The following GPC5 variants were observed in gnomAD, a reference collection of about 807,000 sequenced individuals.
The protein encoded by GPC5 is glypican-5.
GPC5 carries 47 observed loss-of-function variants against 53.9 expected under a neutral mutation model. That is an observed-to-expected ratio of 0.87 (90% CI 0.69 to 1.11). The LOEUF is 1.11. GPC5 is among the 50% of genes most tolerant of loss of function. GPC5 has a pLI of 0.00. For synonymous variants in GPC5, 286 were observed against 263.3 expected (o/e 1.09, Z -0.84); for missense variants, 748 against 713.1 (o/e 1.05, Z -0.56).
intron 6 of GPC5, among the ~76,000 whole-genome samples, chr13:92,039,346 A>C (rs984530590): frequency 3.3e-5 from 5 of 152,264 alleles, no homozygotes; most frequent in African/African-American, 1.2e-4. Flanking sequence ...GATGGAACAG[A>C]GTAGAAGAGG....
At chr13:91,983,301 G>A (rs1464020953) in intron 6 of GPC5, among the ~76,000 whole-genome samples, 5 of 151,712 alleles carry the variant, frequency 3.3e-5, no homozygotes. Context: ...AGCTGAGATA[G>A]CGCCACTGCA....
chr13:91,940,896 T>C (rs2039920604), intron 6 of GPC5, among the ~76,000 whole-genome samples: 1 of 152,134 alleles, frequency 6.6e-6, no homozygotes, highest in Admixed American at 6.6e-5. Context: ...TATTATACTT[T>C]TGTTGGATGC....
chr13:92,592,534 G>C (rs1198773929), intron 7 of GPC5, among the ~76,000 whole-genome samples: 2 of 151,170 alleles, frequency 1.3e-5, no homozygotes, highest in African/African-American at 2.4e-5. Context: ...ACCCTTTGTG[G>C]AGCTTACATT....
At chr13:92,637,931 T>G (rs987080671) in intron 7 of GPC5, among the ~76,000 whole-genome samples, 1 of 151,980 alleles carries the variant, frequency 6.6e-6, no homozygotes, top group Non-Finnish European at 1.5e-5. Flanking sequence ...CTTCTAGAGA[T>G]TAATCAAACA....
intron 6 of GPC5, among the ~76,000 whole-genome samples, chr13:92,135,823 C>T (rs145860433): frequency 9.3e-4 from 142 of 152,262 alleles, no homozygotes; most frequent in African/African-American, 3.2e-3. Flanking sequence ...GAAATGACTT[C>T]GGTGTCTGGT....
chr13:92,319,223 G>A (rs1194972266), intron 7 of GPC5, among the ~76,000 whole-genome samples: 1 of 152,068 alleles, frequency 6.6e-6, no homozygotes, highest in Non-Finnish European at 1.5e-5. Flanking sequence ...TGAATATGCA[G>A]TTGTTACAGT....
intron 6 of GPC5, among the ~76,000 whole-genome samples, chr13:91,976,209 A>G (rs1379468285): frequency 6.6e-6 from 1 of 152,152 alleles, no homozygotes; most frequent in Non-Finnish European, 1.5e-5. Flanking sequence ...CAACATGGCA[A>G]CATGTATACA....
In GPC5 at chr13:92,724,571, T is replaced by G. The variant is rs143641263; in HGVS notation, c.1562-141711T>G. On this transcript the variant is annotated intron_variant, in intron 7 of 7. Transcript: ENST00000377067. ...ATTTTGTCATTTGCAACAACATACA[T>G]GAACCTAGATAGAGGACACATGGTA... Among the ~76,000 whole-genome samples, 76 of 151,710 alleles carry G rather than the reference T, an allele frequency of 5.0e-4. No homozygotes were observed. The East Asian group carries it at 0.011, about 22-fold the overall frequency.
At chr13:91,521,846 A>G (rs1246028196) in intron 2 of GPC5, among the ~76,000 whole-genome samples, 13 of 152,216 alleles carry the variant, frequency 8.5e-5, no homozygotes, top group African/African-American at 3.1e-4. Context: ...AAAAGCTCCA[A>G]GCTGTCTGAC....
chr13:92,742,034 A>G (rs1223436112), intron 7 of GPC5, among the ~76,000 whole-genome samples: 19 of 151,942 alleles, frequency 1.3e-4, no homozygotes, highest in African/African-American at 2.4e-4. Flanking sequence ...GAATACTGCC[A>G]CAATAAACAT....
intron 2 of GPC5, among the ~76,000 whole-genome samples, chr13:91,522,594 G>T (rs1451499966): frequency 6.6e-6 from 1 of 152,078 alleles, no homozygotes; most frequent in African/African-American, 2.4e-5. Context: ...AGGTATACAT[G>T]TGCCATGTTG....
intron 7 of GPC5, among the ~76,000 whole-genome samples, chr13:92,200,420 G>A (rs2042286117): frequency 6.6e-6 from 1 of 152,146 alleles, no homozygotes; most frequent in Non-Finnish European, 1.5e-5. Flanking sequence ...AGCTCTTTTG[G>A]TGGTAAATGC....
chr13:92,518,607 T>C (rs1245472875), intron 7 of GPC5, among the ~76,000 whole-genome samples: 2 of 152,154 alleles, frequency 1.3e-5, no homozygotes, highest in East Asian at 1.9e-4. Context: ...AGGCCTGCCT[T>C]ACAAGAGGCT....
At chr13:92,762,303 T>A (rs1435890340) in intron 7 of GPC5, among the ~76,000 whole-genome samples, 1 of 152,144 alleles carries the variant, frequency 6.6e-6, no homozygotes, top group Non-Finnish European at 1.5e-5. Context: ...CTAGAGTTTT[T>A]TTATGTGACG....
At chr13:91,946,585 T>C (rs1383615944) in intron 6 of GPC5, among the ~76,000 whole-genome samples, 1 of 152,138 alleles carries the variant, frequency 6.6e-6, no homozygotes, top group Non-Finnish European at 1.5e-5. Flanking sequence ...GTAATATAAA[T>C]TTACCTACGT....
At chr13:92,107,512 T>C (rs2041519616) in intron 6 of GPC5, among the ~76,000 whole-genome samples, 1 of 152,228 alleles carries the variant, frequency 6.6e-6, no homozygotes, top group African/African-American at 2.4e-5. Flanking sequence ...TAAAAAACTG[T>C]GCATATTACT....
chr13:91,953,132 T>C (rs1336966374), intron 6 of GPC5, among the ~76,000 whole-genome samples: 1 of 152,182 alleles, frequency 6.6e-6, no homozygotes, highest in African/African-American at 2.4e-5. Context: ...GATGTCAAGA[T>C]TTATGGCTTA....
At chr13:92,243,808 G>C (rs964754852) in intron 7 of GPC5, among the ~76,000 whole-genome samples, 5 of 152,128 alleles carry the variant, frequency 3.3e-5, no homozygotes, top group African/African-American at 9.7e-5. Flanking sequence ...AAACCTGAGA[G>C]TAGATCTGTG....
chr13:92,517,002 T>C (rs1232567175), intron 7 of GPC5, among the ~76,000 whole-genome samples: 1 of 151,578 alleles, frequency 6.6e-6, no homozygotes, highest in East Asian at 2.0e-4. Flanking sequence ...TTTCCAATGG[T>C]CTTAGCAAAT....
Sources: gnomAD v4.1 joint callset for allele counts (sites outside exome capture counted in the v4.1 genomes callset) on GRCh38, gnomAD v4.1.1 for gene constraint, MANE v1.5 for transcripts, NCBI Gene and HGNC (gene_info 2026-07-23, HGNC 2026-07-21) for gene names.